PTPRD: variants seen among roughly 807,000 people sequenced by gnomAD.
PTPRD encodes the protein receptor-type tyrosine-protein phosphatase delta.
A neutral mutation model predicts 214.5 loss-of-function variants in PTPRD; 34 were observed. The observed-to-expected ratio is 0.16, with a 90% CI of 0.12 to 0.21. The LOEUF is 0.21. Among genes scored for constraint, PTPRD ranks in the 10% least tolerant of loss-of-function variants. The pLI is 1.00. For missense variants in PTPRD, 2,545 were observed against 2,398.7 expected (o/e 1.06, Z -1.27); for synonymous variants, 1,128 against 845.7 (o/e 1.33, Z -5.79).
intron 2 of PTPRD, among the ~76,000 whole-genome samples, chr9:10,351,990 T>C (rs1323491): frequency 0.23 from 35,306 of 151,866 alleles, 4,210 homozygotes; most frequent in South Asian, 0.28. Flanking sequence ...TGTGGAGGCA[T>C]TGATAGGTAA....
At chr9:9,945,189 C>G (rs1036668689) in intron 4 of PTPRD, among the ~76,000 whole-genome samples, 1 of 151,924 alleles carries the variant, frequency 6.6e-6, no homozygotes, top group South Asian at 2.1e-4. Flanking sequence ...AGGAGATCCA[C>G]GTGGAAGTGT....
At chr9:8,492,155 G>C (rs2097163164) in intron 27 of PTPRD, among the ~76,000 whole-genome samples, 1 of 151,840 alleles carries the variant, frequency 6.6e-6, no homozygotes. Context: ...TCTATCTTTT[G>C]TTCAGTTTGG....
intron 36 of PTPRD, among the ~76,000 whole-genome samples, chr9:8,399,874 C>G (rs2092070500): frequency 6.6e-6 from 1 of 152,144 alleles, no homozygotes; most frequent in African/African-American, 2.4e-5. Context: ...CACTTATTAG[C>G]TATTGATCAT....
chr9:9,802,748 GT>G lies in PTPRD; in HGVS notation c.-367-35898del, dbSNP rs557170943. Among the ~76,000 whole-genome samples, 221 of 151,794 alleles carry G rather than the reference GT, an allele frequency of 1.5e-3. 1 individual carries two copies. The highest frequency in any genetic ancestry group is 5.2e-3 in the African/African-American group (215 of 41,450). ...GCTTGTTGAATGAATACACCTATCA[GT>G]TTTTTCTCCATATATTATCTGAGGA... On this transcript the variant is annotated intron_variant, in intron 5 of 45. Transcript: ENST00000381196.
At chr9:10,547,048 A>C (rs1158032235) in intron 2 of PTPRD, among the ~76,000 whole-genome samples, 1 of 152,104 alleles carries the variant, frequency 6.6e-6, no homozygotes. Flanking sequence ...CCAATATAAT[A>C]GTCCTACAGG....
At chr9:9,634,563 G>A (rs886480502) in intron 7 of PTPRD, among the ~76,000 whole-genome samples, 8 of 152,112 alleles carry the variant, frequency 5.3e-5, no homozygotes, top group African/African-American at 1.9e-4. Flanking sequence ...GGAAATAAAT[G>A]CTTGATCATA....
chr9:8,791,077 G>A lies in PTPRD; in HGVS notation c.-103-57131C>T, dbSNP rs181837778. Among the ~76,000 whole-genome samples the A allele has an allele frequency of 3.8e-3, 572 of 152,194 alleles. 1 individual carries two copies. Among genetic ancestry groups the A allele is most frequent in the African/African-American group, 0.012 (503 of 41,512 alleles). ...TTACATCAGGATTTTTAAGGCAACT[G>A]GCTTCTATGGAGAGAGTGAACTAAA... On this transcript the variant is annotated intron_variant, in intron 11 of 45. Transcript: ENST00000381196.
At chr9:10,486,969 A>G (rs946249665) in intron 2 of PTPRD, among the ~76,000 whole-genome samples, 3 of 152,152 alleles carry the variant, frequency 2.0e-5, no homozygotes, top group African/African-American at 7.2e-5. Flanking sequence ...CTTTTGCTTT[A>G]TATATCTGGG....
intron 4 of PTPRD, among the ~76,000 whole-genome samples, chr9:9,961,147 T>C (rs1023247913): frequency 4.6e-5 from 7 of 152,134 alleles, no homozygotes; most frequent in South Asian, 2.1e-4. Flanking sequence ...TGTATATACA[T>C]ATATATGCAT....
chr9:9,677,268 C>T (rs2096952763), intron 7 of PTPRD, among the ~76,000 whole-genome samples: 2 of 151,988 alleles, frequency 1.3e-5, no homozygotes, highest in African/African-American at 4.8e-5. Flanking sequence ...TTAGGTCTAA[C>T]ATTTAAGTCT....
chr9:10,083,457 C>T (rs1477019010), intron 3 of PTPRD, among the ~76,000 whole-genome samples: 2 of 152,024 alleles, frequency 1.3e-5, no homozygotes, highest in Non-Finnish European at 2.9e-5. Flanking sequence ...ACTTCTGAAT[C>T]ATTTGCTTCT....
chr9:9,520,080 G>C (rs1427633971), intron 8 of PTPRD, among the ~76,000 whole-genome samples: 1 of 151,868 alleles, frequency 6.6e-6, no homozygotes, highest in African/African-American at 2.4e-5. Context: ...CTTTTTTCAA[G>C]TGTTTAGTTT....
At chr9:9,609,047 T>TA (rs1423033274) in intron 7 of PTPRD, among the ~76,000 whole-genome samples, 1 of 152,180 alleles carries the variant, frequency 6.6e-6, no homozygotes, top group Non-Finnish European at 1.5e-5. Context: ...GAATTTTCTT[T>TA]AAAAAATGAA....
At chr9:9,190,014 A>G (rs1449439731) in intron 9 of PTPRD, among the ~76,000 whole-genome samples, 2 of 152,042 alleles carry the variant, frequency 1.3e-5, no homozygotes, top group Admixed American at 6.6e-5. Context: ...GATGTTGGAG[A>G]CTTTCTGAGT....
chr9:9,086,904 C>G (rs1263041531), intron 10 of PTPRD, among the ~76,000 whole-genome samples: 1 of 151,952 alleles, frequency 6.6e-6, no homozygotes, highest in Non-Finnish European at 1.5e-5. Flanking sequence ...TGTGTAGGTA[C>G]CATACAATAG....
At chr9:8,409,128 T>G (rs189123572) in intron 35 of PTPRD, among the ~76,000 whole-genome samples, 46 of 152,372 alleles carry the variant, frequency 3.0e-4, no homozygotes, top group African/African-American at 1.1e-3. Flanking sequence ...AACTAATACT[T>G]AGATAACATT....
chr9:10,496,558 T>C (rs2042091201), intron 2 of PTPRD, among the ~76,000 whole-genome samples: 1 of 152,052 alleles, frequency 6.6e-6, no homozygotes, highest in Non-Finnish European at 1.5e-5. Context: ...CTGAAATAAT[T>C]TACATTCCCA....
At position 9,726,698 on chromosome 9, in the gene PTPRD, C is replaced by T. The variant is rs186198909; in HGVS notation, c.-287+7835G>A. On this transcript the variant is annotated intron_variant, in intron 7 of 45. Transcript: ENST00000381196. ...TGTGAAAAGACATTTTCATATGTCT[C>T]AACATGTTTGTGGATAACTTTTCAA... Among the ~76,000 whole-genome samples, 45 of 152,218 alleles carry T rather than the reference C, an allele frequency of 3.0e-4. No homozygotes were observed. The East Asian group carries it at 8.7e-3, about 29-fold the overall frequency.
At chr9:9,657,239 A>G (rs1004299248) in intron 7 of PTPRD, among the ~76,000 whole-genome samples, 3 of 152,134 alleles carry the variant, frequency 2.0e-5, no homozygotes, top group Non-Finnish European at 4.4e-5. Context: ...CAAATTATCT[A>G]TGGTTTCAAG....
Sources: allele counts gnomAD v4.1 joint callset (sites outside exome capture counted in the v4.1 genomes callset), GRCh38; gene constraint gnomAD v4.1.1; transcripts MANE v1.5; gene names NCBI Gene and HGNC (gene_info 2026-07-23, HGNC 2026-07-21).